Variants in RBFOX1 observed in about 807,000 individuals in gnomAD.
RBFOX1 encodes RNA binding protein fox-1 homolog 1.
RBFOX1 carries 8 observed loss-of-function variants against 57.7 expected under a neutral mutation model. The observed-to-expected ratio is 0.14, with a 90% CI of 0.08 to 0.25. The LOEUF (loss-of-function observed/expected upper bound fraction) is 0.25. Ranked by LOEUF, RBFOX1 falls within the 10% of genes least tolerant of loss-of-function variation. The pLI, the probability that RBFOX1 is intolerant of heterozygous loss-of-function variation, is 1.00. For synonymous variants in RBFOX1, 326 were observed against 222.4 expected (o/e 1.47, Z -4.15); for missense variants, 611 against 548.5 (o/e 1.11, Z -1.14).
chr16:6,782,047 A>C (rs1239246078), intron 3 of RBFOX1, among the ~76,000 whole-genome samples: 1 of 152,008 alleles, frequency 6.6e-6, no homozygotes, highest in Non-Finnish European at 1.5e-5. Flanking sequence ...TTGCTCTGTC[A>C]CTGGGCTGGA....
chr16:5,295,689 C>T (rs1207688110), intron 1 of RBFOX1, among the ~76,000 whole-genome samples: 1 of 152,202 alleles, frequency 6.6e-6, no homozygotes, highest in Non-Finnish European at 1.5e-5. Context: ...CAGACAGTCT[C>T]CTAGCAAGAC....
At chr16:6,757,595 A>T (rs2076004442) in intron 3 of RBFOX1, among the ~76,000 whole-genome samples, 1 of 152,108 alleles carries the variant, frequency 6.6e-6, no homozygotes, top group Non-Finnish European at 1.5e-5. Context: ...GAGCTAAAAA[A>T]GTTGATCTCT....
intron 4 of RBFOX1, among the ~76,000 whole-genome samples, chr16:7,497,550 A>G (rs1327239352): frequency 6.6e-6 from 1 of 152,158 alleles, no homozygotes; most frequent in Non-Finnish European, 1.5e-5. Flanking sequence ...GAGCAGGACT[A>G]TTTTCTTATC....
intron 2 of RBFOX1, among the ~76,000 whole-genome samples, chr16:5,523,126 A>G (rs775592254): frequency 3.0e-4 from 45 of 152,140 alleles, no homozygotes; most frequent in Admixed American, 7.9e-4. Context: ...TGTCTACTGA[A>G]AGTATAAAAA....
Position 5,714,833 on chromosome 16 carries a change from CG to C in RBFOX1, c.318+115876del, listed in dbSNP as rs537498377. On this transcript the variant is annotated intron_variant, in intron 3 of 19. Transcript: ENST00000641259. ...CGTCACTGCGTCACAGATGTGGGAACGGGGACTTAGAGGAGCAGTGAGCCAA... is the reference window on the plus strand; with the variant it reads ...CGTCACTGCGTCACAGATGTGGGAACGGGACTTAGAGGAGCAGTGAGCCAA... Among the ~76,000 whole-genome samples, 152 of 152,254 alleles carry C rather than the reference CG, an allele frequency of 1.0e-3. 2 individuals are homozygous for C. The highest frequency in any genetic ancestry group is 3.4e-3 in the Middle Eastern group (1 of 294).
chr16:7,349,224 A>G (rs1340415970), intron 4 of RBFOX1, among the ~76,000 whole-genome samples: 1 of 152,190 alleles, frequency 6.6e-6, no homozygotes, highest in Admixed American at 6.5e-5. Context: ...AGATCAAGAT[A>G]TCTTCCTGGC....
chr16:5,868,789 T>C lies in RBFOX1; in HGVS notation c.351+1454T>C, dbSNP rs989772263. Reference sequence around the variant, plus strand: ...GTTATTAAACAACACAAATTTTGTTTCCTCATTTTTGGAATAGGAATAGCA... The same window carrying C: ...GTTATTAAACAACACAAATTTTGTTCCCTCATTTTTGGAATAGGAATAGCA... On this transcript the variant is annotated intron_variant, in intron 4 of 19. Transcript: ENST00000641259. Among the ~76,000 whole-genome samples, 3 of 152,184 alleles carry C rather than the reference T, an allele frequency of 2.0e-5. No individual in the cohort carries two copies. In the South Asian group the frequency reaches 6.2e-4, roughly 32 times the overall value.
intron 1 of RBFOX1, among the ~76,000 whole-genome samples, chr16:5,439,905 G>C (rs181387606): frequency 1.3e-3 from 205 of 152,312 alleles, no homozygotes; most frequent in Non-Finnish European, 2.4e-3. Flanking sequence ...GAATTTGTAA[G>C]ATCTGAGTAA....
chr16:6,379,817 A>G (rs748126011), intron 2 of RBFOX1, among the ~76,000 whole-genome samples: 17 of 152,160 alleles, frequency 1.1e-4, no homozygotes, highest in Non-Finnish European at 2.2e-4. Context: ...TTGTGCAAGA[A>G]GGGGGATATG....
chr16:6,558,315 C>G (rs1260024797), intron 2 of RBFOX1, among the ~76,000 whole-genome samples: 2 of 152,132 alleles, frequency 1.3e-5, no homozygotes, highest in African/African-American at 4.8e-5. Context: ...CCTTACAGAG[C>G]ATGTTGCCGC....
intron 4 of RBFOX1, among the ~76,000 whole-genome samples, chr16:7,237,281 C>T (rs1020922201): frequency 1.3e-5 from 2 of 152,166 alleles, no homozygotes; most frequent in African/African-American, 4.8e-5. Context: ...TGAGCTCTTC[C>T]GTCCTCTCTC....
intron 3 of RBFOX1, among the ~76,000 whole-genome samples, chr16:6,866,743 C>T (rs538017201): frequency 1.3e-5 from 2 of 151,586 alleles, no homozygotes; most frequent in Non-Finnish European, 2.9e-5. Flanking sequence ...GGGGTTTCAC[C>T]GTGTTAGCCA....
chr16:5,681,392 T>TC (rs200749943), intron 3 of RBFOX1, among the ~76,000 whole-genome samples: 2,249 of 148,064 alleles, frequency 0.015, 76 homozygotes, highest in African/African-American at 0.052. Flanking sequence ...CTTTTTTCTT[T>TC]TTTTTTTTTT....
chr16:7,392,666 C>T (rs1377291029), intron 4 of RBFOX1, among the ~76,000 whole-genome samples: 1 of 152,014 alleles, frequency 6.6e-6, no homozygotes, highest in African/African-American at 2.4e-5. Context: ...GTGATAAAGC[C>T]CAAGTCATAG....
intron 2 of RBFOX1, among the ~76,000 whole-genome samples, chr16:5,474,633 GA>G (rs1277945769): frequency 6.6e-6 from 1 of 151,246 alleles, no homozygotes; most frequent in Non-Finnish European, 1.5e-5. Context: ...CAGCCTGGGG[GA>G]CAAGAGCGAG....
chr16:6,583,291 G>A (rs2097563048), intron 2 of RBFOX1, among the ~76,000 whole-genome samples: 3 of 152,170 alleles, frequency 2.0e-5, no homozygotes, highest in South Asian at 4.1e-4. Flanking sequence ...TCAGGACCAG[G>A]AACTACCTTT....
intron 1 of RBFOX1, among the ~76,000 whole-genome samples, chr16:6,227,826 A>G (rs1056045776): frequency 1.3e-5 from 2 of 152,234 alleles, no homozygotes; most frequent in Non-Finnish European, 2.9e-5. Context: ...TCTCAGGTAC[A>G]CACAAATCTT....
intron 1 of RBFOX1, among the ~76,000 whole-genome samples, chr16:6,229,979 G>A (rs1371256402): frequency 6.6e-6 from 1 of 151,992 alleles, no homozygotes; most frequent in Non-Finnish European, 1.5e-5. Flanking sequence ...TGTGCATTCA[G>A]TACACAAAAA....
intron 1 of RBFOX1, among the ~76,000 whole-genome samples, chr16:5,395,251 C>G (rs73520482): frequency 0.012 from 1,876 of 152,310 alleles, 39 homozygotes; most frequent in African/African-American, 0.042. Flanking sequence ...TCCTTGAAGG[C>G]CAGGCACAAA....
Sources: allele counts gnomAD v4.1 joint callset (sites outside exome capture counted in the v4.1 genomes callset), GRCh38; gene constraint gnomAD v4.1.1; transcripts MANE v1.5; gene names NCBI Gene and HGNC (gene_info 2026-07-23, HGNC 2026-07-21).